The following SNW1 variants were observed in gnomAD, a reference collection of about 807,000 sequenced individuals.
The protein encoded by SNW1 is SNW domain containing 1.
A neutral mutation model predicts 75.6 loss-of-function variants in SNW1; 9 were observed. The ratio of observed to expected loss-of-function variants is 0.12; its 90% CI spans 0.07 to 0.21. SNW1 has a LOEUF of 0.21. SNW1 is among the 10% of genes least tolerant of loss of function. SNW1 has a pLI of 1.00. For missense variants in SNW1, 409 were observed against 670.9 expected (o/e 0.61, Z 4.31); for synonymous variants, 200 against 219.1 (o/e 0.91, Z 0.77).
intron 8 of SNW1, among the ~76,000 whole-genome samples, 199 bp downstream of exon 8, chr14:77,734,748 A>G (rs1039885417): frequency 1.2e-4 from 18 of 144,960 alleles, no homozygotes; most frequent in Non-Finnish European, 1.7e-4. Flanking sequence ...AAAAAAAAAA[A>G]GGAACTGACA....
At chr14:77,753,471 C>T (rs2080822734) in intron 2 of SNW1, among the ~76,000 whole-genome samples, 3 of 152,112 alleles carry the variant, frequency 2.0e-5, no homozygotes, top group South Asian at 4.1e-4. Flanking sequence ...CCATAAATAA[C>T]ACTATCAGAG....
Position 77,718,223 on chromosome 14 carries a change from C to A in SNW1, c.1476G>T (p.Val492=), listed in dbSNP as rs176960. Residue 492 remains valine (V), a synonymous_variant, in exon 14 of 14, where the codon GTG becomes GTT. Coordinates refer to ENST00000261531, the MANE Select transcript of SNW1 (RefSeq NM_012245.3). ...DRRQRGREGP[V]QFEEDPFGLD... is the part of the protein sequence containing the mutation. ...AACCAAAAGGATCTTCCTCAAACTG[C>A]ACTGGTCCTTCTCGGCCTCTCTGTC... 1,349,129 of 1,613,466 alleles carry A rather than the reference C, an allele frequency of 0.84. 564,700 individuals carry two copies. The highest frequency in any genetic ancestry group is 0.89 in the Middle Eastern group (5,408 of 6,060).
At position 77,737,180 on chromosome 14, in the gene SNW1, G is replaced by A. The variant is rs1406513766; in HGVS notation, c.534-105C>T. 5 of 770,794 alleles carry A rather than the reference G, an allele frequency of 6.5e-6. No homozygotes were observed. The South Asian group carries it at 7.6e-5, about 12-fold the overall frequency. 47.7% of individuals were successfully genotyped at this position (770,794 alleles called of 1,614,324 possible). On this transcript the variant is annotated intron_variant, in intron 5 of 13. Coordinates refer to ENST00000261531, the MANE Select transcript of SNW1 (RefSeq NM_012245.3). ...CTAGACTACATTTTCAATTCCTTTC[G>A]CAAAGTATTAACAGAAAATTAACAA... is the stretch of plus-strand genomic sequence containing the variant.
chr14:77,736,346 G>A (rs190323605), intron 6 of SNW1, among the ~76,000 whole-genome samples: 48 of 152,184 alleles, frequency 3.2e-4, no homozygotes, highest in African/African-American at 1.1e-3. Context: ...TCAGGAGATC[G>A]AGACCATCCT....
intron 1 of SNW1, chr14:77,760,755 C>T: frequency 1.4e-6 from 1 of 703,356 alleles, no homozygotes; most frequent in Non-Finnish European, 2.6e-6. Context: ...CTTCACTCCG[C>T]CCAAATAAGC....
intron 3 of SNW1, among the ~76,000 whole-genome samples, chr14:77,741,284 T>C (rs1011210530): frequency 2.0e-5 from 3 of 152,114 alleles, no homozygotes. Flanking sequence ...AAGGCCAAGG[T>C]TGGAGGATAG....
At chr14:77,725,757 T>G (rs929351171) in intron 10 of SNW1, among the ~76,000 whole-genome samples, 2 of 151,992 alleles carry the variant, frequency 1.3e-5, no homozygotes, top group African/African-American at 2.4e-5. Context: ...GTCTCTAAAA[T>G]AACACAAAAA....
chr14:77,754,395 G>A (rs543600511), intron 2 of SNW1, among the ~76,000 whole-genome samples: 1 of 152,152 alleles, frequency 6.6e-6, no homozygotes, highest in East Asian at 1.9e-4. Flanking sequence ...TATTCCAGAT[G>A]GTTCCTTCTC....
chr14:77,760,891 G>A, intron 1 of SNW1: 1 of 966,342 alleles, frequency 1.0e-6, no homozygotes, highest in Non-Finnish European at 1.6e-6. Flanking sequence ...CGCAGCTTTC[G>A]GCCTCGGTGA....
At chr14:77,743,648 C>T (rs972748731) in intron 3 of SNW1, among the ~76,000 whole-genome samples, 1 of 152,154 alleles carries the variant, frequency 6.6e-6, no homozygotes, top group African/African-American at 2.4e-5. Flanking sequence ...TCTTCTAAAA[C>T]AGGAAAATCA....
At chr14:77,721,857 C>G (rs1174169042) in intron 11 of SNW1, among the ~76,000 whole-genome samples, 1 of 152,174 alleles carries the variant, frequency 6.6e-6, no homozygotes, top group Admixed American at 6.5e-5. Flanking sequence ...AAGTGATTCT[C>G]CCACTTCGGC....
At position 77,741,665 on chromosome 14, in the gene SNW1, T is replaced by C. The variant is rs1462590742; in HGVS notation, c.331-2604A>G. 3.9e-5 allele frequency among the ~76,000 whole-genome samples: 6 copies of C among 152,260 alleles called. No individual in the cohort carries two copies. In the East Asian group the frequency reaches 7.7e-4, roughly 20 times the overall value. ...ACATTAAGATCATACAGCTACTATC[T>C]GACCTCAAAAGTCTTATTTCCTCTC... On this transcript the variant is annotated intron_variant, in intron 3 of 13. Transcript: ENST00000261531.
intron 3 of SNW1, among the ~76,000 whole-genome samples, chr14:77,749,478 A>T (rs770868916): frequency 6.6e-6 from 1 of 152,238 alleles, no homozygotes; most frequent in Non-Finnish European, 1.5e-5. Flanking sequence ...TATCTTTCAA[A>T]AGATAAGAAA....
At chr14:77,734,019 A>G in intron 8 of SNW1, 1 of 364,928 alleles carries the variant, frequency 2.7e-6, no homozygotes. Context: ...AACTCAAATC[A>G]GACCAGTCGG....
At chr14:77,730,202 C>T (rs1271091965) in intron 10 of SNW1, among the ~76,000 whole-genome samples, 4 of 152,112 alleles carry the variant, frequency 2.6e-5, no homozygotes, top group Non-Finnish European at 4.4e-5. Flanking sequence ...CCACTCTCAC[C>T]TTCTGGCAAT....
At chr14:77,735,050 A>G (rs371910171) in intron 7 of SNW1, 38 bp from the exon 8 acceptor site, 257 of 1,429,582 alleles carry the variant, frequency 1.8e-4, no homozygotes, top group Non-Finnish European at 2.3e-4. Flanking sequence ...GTTTAGATTT[A>G]TAGTCTACAA....
Position 77,760,732 on chromosome 14 carries a change from C to T in SNW1, c.14+382G>A, listed in dbSNP as rs1489161727. 9 of 702,466 alleles carry T rather than the reference C, an allele frequency of 1.3e-5. No individual in the cohort carries two copies. In the East Asian group the frequency reaches 2.1e-4, roughly 17 times the overall value. 43.5% of individuals were successfully genotyped at this position (702,466 alleles called of 1,614,324 possible). On this transcript the variant is annotated intron_variant, in intron 1 of 13. Transcript: ENST00000261531. Reference sequence around the variant, plus strand: ...GCAAACGGCCGGAAAGCCGCGCAGTCGCAGCCCGCGCGCTTCACTCCGCCC... The same window carrying T: ...GCAAACGGCCGGAAAGCCGCGCAGTTGCAGCCCGCGCGCTTCACTCCGCCC...
At chr14:77,726,464 A>C (rs1181360935) in intron 10 of SNW1, among the ~76,000 whole-genome samples, 1 of 151,980 alleles carries the variant, frequency 6.6e-6, no homozygotes, top group Non-Finnish European at 1.5e-5. Context: ...CAGCCTCTTC[A>C]ATTACTTTCA....
chr14:77,748,674 G>A (rs1421055192), intron 3 of SNW1, among the ~76,000 whole-genome samples: 1 of 151,772 alleles, frequency 6.6e-6, no homozygotes, highest in African/African-American at 2.4e-5. Flanking sequence ...TGCAAGCTCT[G>A]CCTCCCAGGT....
Sources: gnomAD v4.1 joint callset for allele counts (sites outside exome capture counted in the v4.1 genomes callset) on GRCh38, gnomAD v4.1.1 for gene constraint, MANE v1.5 for transcripts, NCBI Gene and HGNC (gene_info 2026-07-23, HGNC 2026-07-21) for gene names.